The following CTNNA2 variants were observed in gnomAD, a reference collection of about 807,000 sequenced individuals.
CTNNA2 encodes catenin alpha-2.
In CTNNA2, 42 loss-of-function variants were observed where a neutral mutation model predicts 101.0. The observed-to-expected ratio is 0.42, with a 90% confidence interval of 0.32 to 0.54. The LOEUF (loss-of-function observed/expected upper bound fraction) is 0.54, where lower values mean the gene tolerates loss of function less well. Among genes scored for constraint, CTNNA2 ranks in the 20% least tolerant of loss-of-function variants. CTNNA2 has a pLI of 0.14. For synonymous variants in CTNNA2, 450 were observed against 456.4 expected (o/e 0.99, Z 0.18); for missense variants, 871 against 1,223.1 (o/e 0.71, Z 4.29).
chr2:80,500,399 C>A (rs539221934), intron 9 of CTNNA2, among the ~76,000 whole-genome samples: 1 of 152,130 alleles, frequency 6.6e-6, no homozygotes, highest in African/African-American at 2.4e-5. Flanking sequence ...ATCCATCCAC[C>A]CATCCGCCTA....
chr2:80,553,362 T>C (rs561801080), intron 11 of CTNNA2, among the ~76,000 whole-genome samples: 8 of 152,348 alleles, frequency 5.3e-5, no homozygotes, highest in Non-Finnish European at 1.0e-4. Context: ...GTTTTTGTTA[T>C]GGATTTCTAG....
At chr2:79,210,222 A>G (rs1445902187) in intron 2 of CTNNA2, among the ~76,000 whole-genome samples, 1 of 152,094 alleles carries the variant, frequency 6.6e-6, no homozygotes, top group Non-Finnish European at 1.5e-5. Context: ...GTGCCCAAAT[A>G]GTATTTGAAA....
intron 12 of CTNNA2, among the ~76,000 whole-genome samples, chr2:80,562,470 A>G (rs1693695184): frequency 6.6e-6 from 1 of 152,110 alleles, no homozygotes; most frequent in Non-Finnish European, 1.5e-5. Flanking sequence ...TAATATATAT[A>G]CTCTGTTAAG....
chr2:79,597,342 G>A (rs1243428085), intron 1 of CTNNA2, among the ~76,000 whole-genome samples: 4 of 151,880 alleles, frequency 2.6e-5, no homozygotes, highest in Non-Finnish European at 5.9e-5. Context: ...CGTGGTGGCG[G>A]GCGCCCGTAG....
chr2:79,488,232 C>G (rs1671175708), intron 4 of CTNNA2, among the ~76,000 whole-genome samples: 1 of 146,244 alleles, frequency 6.8e-6, no homozygotes, highest in African/African-American at 2.5e-5. Flanking sequence ...ACAGGAGAAT[C>G]ACTTGAATTC....
intron 3 of CTNNA2, among the ~76,000 whole-genome samples, chr2:79,816,222 T>A (rs1677481019): frequency 6.6e-6 from 1 of 152,142 alleles, no homozygotes; most frequent in African/African-American, 2.4e-5. Context: ...TGACTTCCTC[T>A]TTACTGATTT....
chr2:79,967,491 AC>A (rs1479512161), intron 7 of CTNNA2, among the ~76,000 whole-genome samples: 1 of 152,174 alleles, frequency 6.6e-6, no homozygotes, highest in Non-Finnish European at 1.5e-5. Context: ...CCTCATGATG[AC>A]CAATTCTCCA....
chr2:80,535,622 G>A (rs945380291), intron 9 of CTNNA2, among the ~76,000 whole-genome samples: 20 of 152,192 alleles, frequency 1.3e-4, no homozygotes, highest in African/African-American at 3.6e-4. Context: ...AAACTATATA[G>A]AATGACCAAG....
chr2:80,380,531 G>C (rs1260635167), intron 7 of CTNNA2, among the ~76,000 whole-genome samples: 1 of 152,204 alleles, frequency 6.6e-6, no homozygotes. Context: ...TATAGCCGAA[G>C]ACTTTGTGTT....
chr2:80,254,553 G>A (rs1400301576), intron 7 of CTNNA2, among the ~76,000 whole-genome samples: 1 of 152,124 alleles, frequency 6.6e-6, no homozygotes, highest in African/African-American at 2.4e-5. Context: ...GCTAAGGGTC[G>A]ACTGACCTAG....
At chr2:80,454,594 C>T (rs995332916) in intron 9 of CTNNA2, among the ~76,000 whole-genome samples, 4 of 152,214 alleles carry the variant, frequency 2.6e-5, no homozygotes, top group African/African-American at 9.6e-5. Flanking sequence ...AGATTGAATT[C>T]TTAGGTTCTG....
chr2:80,287,245 G>A (rs957832729), intron 7 of CTNNA2, among the ~76,000 whole-genome samples: 2 of 152,160 alleles, frequency 1.3e-5, no homozygotes, highest in African/African-American at 2.4e-5. Context: ...TGGAAATAGA[G>A]AGAATGATAG....
intron 7 of CTNNA2, among the ~76,000 whole-genome samples, chr2:80,037,392 C>T (rs1451907905): frequency 6.6e-6 from 1 of 152,198 alleles, no homozygotes; most frequent in Admixed American, 6.5e-5. Context: ...AAATGATCCT[C>T]TGTTCTCAAC....
At chr2:80,164,610 T>A (rs557196291) in intron 7 of CTNNA2, among the ~76,000 whole-genome samples, 1 of 152,030 alleles carries the variant, frequency 6.6e-6, no homozygotes, top group African/African-American at 2.4e-5. Flanking sequence ...CTTACCATAT[T>A]TTTCTTTTTT....
At chr2:79,986,554 T>C (rs544483) in intron 7 of CTNNA2, among the ~76,000 whole-genome samples, 101,360 of 152,016 alleles carry the variant, frequency 0.67, 34,746 homozygotes, top group Non-Finnish European at 0.75. Context: ...CGTGTGACCC[T>C]AAATGTTGCT....
At chr2:80,317,770 T>C (rs1678270581) in intron 7 of CTNNA2, among the ~76,000 whole-genome samples, 1 of 152,166 alleles carries the variant, frequency 6.6e-6, no homozygotes, top group African/African-American at 2.4e-5. Context: ...TCTCAAACTC[T>C]CCCTGCACTA....
intron 3 of CTNNA2, among the ~76,000 whole-genome samples, chr2:79,839,374 A>G (rs1298901539): frequency 2.6e-5 from 4 of 151,972 alleles, no homozygotes; most frequent in Non-Finnish European, 5.9e-5. Context: ...CTCCAGTTTT[A>G]CTATGCAGCT....
chr2:80,224,066 T>G (rs1708729442), intron 7 of CTNNA2, among the ~76,000 whole-genome samples: 1 of 152,170 alleles, frequency 6.6e-6, no homozygotes, highest in East Asian at 1.9e-4. Context: ...AGCTGCTCAC[T>G]TCCCATGACT....
intron 2 of CTNNA2, among the ~76,000 whole-genome samples, chr2:79,719,775 A>T (rs775182317): frequency 6.6e-6 from 1 of 151,714 alleles, no homozygotes; most frequent in African/African-American, 2.4e-5. Context: ...TAACTTCCTT[A>T]TGTATTCTGG....
Sources: gnomAD v4.1 joint callset for allele counts (sites outside exome capture counted in the v4.1 genomes callset) on GRCh38, gnomAD v4.1.1 for gene constraint, MANE v1.5 for transcripts, NCBI Gene and HGNC (gene_info 2026-07-23, HGNC 2026-07-21) for gene names.